SLC5A4: variants seen among roughly 807,000 people sequenced by gnomAD.
The protein encoded by SLC5A4 is probable glucose sensor protein SLC5A4.
A neutral mutation model predicts 70.3 loss-of-function variants in SLC5A4; 55 were observed. The observed-to-expected ratio is 0.78, with a 90% CI of 0.63 to 0.98. The LOEUF is 0.98. SLC5A4 is among the 50% of genes least tolerant of loss of function. The pLI is 0.00. For missense variants in SLC5A4, 735 were observed against 839.2 expected (o/e 0.88, Z 1.53); for synonymous variants, 268 against 305.7 (o/e 0.88, Z 1.29).
At chr22:32,273,787 ACAAACAAG>A in the SLC5A4 span, among the ~76,000 whole-genome samples, 1 of 151,166 alleles carries the variant, frequency 6.6e-6, no homozygotes, top group Non-Finnish European at 1.5e-5. Context: ...AGCAAAACAA[ACAAACAAG>A]CAAACAAAAA....
chr22:32,298,860 A>T, the SLC5A4 span, among the ~76,000 whole-genome samples: 1 of 107,014 alleles, frequency 9.3e-6, no homozygotes, highest in Non-Finnish European at 1.9e-5. Flanking sequence ...GTGGTGACAA[A>T]ATCTCTCAGC....
At chr22:32,320,701 G>A in the SLC5A4 span, among the ~76,000 whole-genome samples, 322 of 151,866 alleles carry the variant, frequency 2.1e-3, 5 homozygotes, top group African/African-American at 7.3e-3. Flanking sequence ...TGTACTTTCC[G>A]CTCAATTTTT....
At chr22:32,290,547 AT>A in the SLC5A4 span, among the ~76,000 whole-genome samples, 1 of 152,126 alleles carries the variant, frequency 6.6e-6, no homozygotes, top group Non-Finnish European at 1.5e-5. Context: ...TTTGGATATG[AT>A]TTTTTCATAA....
intron 5 of SLC5A4, among the ~76,000 whole-genome samples, chr22:32,239,518 T>TTATATATATATATATATATATA (rs1173210993): frequency 2.0e-4 from 5 of 25,222 alleles, no homozygotes; most frequent in Non-Finnish European, 3.4e-4. Flanking sequence ...GGAGTGCATA[T>TTATATATATATATATATATATA]TATATATATA....
At chr22:32,323,033 A>G in the SLC5A4 span, among the ~76,000 whole-genome samples, 5 of 151,910 alleles carry the variant, frequency 3.3e-5, no homozygotes, top group Non-Finnish European at 7.4e-5. Context: ...TCCACCAGGC[A>G]CTCCCTGCAC....
chr22:32,233,824 G>C (rs1164419339), intron 8 of SLC5A4, among the ~76,000 whole-genome samples: 1 of 149,262 alleles, frequency 6.7e-6, no homozygotes, highest in Non-Finnish European at 1.5e-5. Flanking sequence ...TTTAAAAAAG[G>C]AAGAAAACAA....
At chr22:32,286,394 TGCAGGGAG>T in the SLC5A4 span, among the ~76,000 whole-genome samples, 2 of 152,218 alleles carry the variant, frequency 1.3e-5, no homozygotes, top group Non-Finnish European at 2.9e-5. Context: ...TGACATTCAC[TGCAGGGAG>T]GCTCTGTGTT....
intron 4 of SLC5A4, 88 bp from the exon 5 acceptor site, chr22:32,247,603 T>A: frequency 1.2e-6 from 1 of 835,736 alleles, no homozygotes; most frequent in Non-Finnish European, 2.0e-6. Flanking sequence ...CACCTGTGAG[T>A]GAAAGTCCTG....
At chr22:32,242,702 C>G (rs1050333890) in intron 5 of SLC5A4, among the ~76,000 whole-genome samples, 5 of 151,830 alleles carry the variant, frequency 3.3e-5, no homozygotes, top group African/African-American at 1.2e-4. Flanking sequence ...GAGTGAGACT[C>G]CGTCTCAAAA....
upstream of SLC5A4, among the ~76,000 whole-genome samples, chr22:32,257,731 T>C (rs867606750): frequency 2.1e-4 from 32 of 150,942 alleles, no homozygotes; most frequent in African/African-American, 7.6e-4. Context: ...AATGGCACAA[T>C]CTTGGCTCAC....
At chr22:32,237,451 G>T in intron 6 of SLC5A4, 127 bp from the exon 7 acceptor site, 1 of 605,036 alleles carries the variant, frequency 1.7e-6, no homozygotes. Flanking sequence ...AAAGCTCCTG[G>T]GTGAGCCACA....
At chr22:32,328,764 C>T in the SLC5A4 span, among the ~76,000 whole-genome samples, 1 of 152,204 alleles carries the variant, frequency 6.6e-6, no homozygotes, top group Admixed American at 6.5e-5. Flanking sequence ...TGTGGGGTAC[C>T]TTGTTACACA....
At chr22:32,350,679 C>CTA in the SLC5A4 span, among the ~76,000 whole-genome samples, 15 of 152,054 alleles carry the variant, frequency 9.9e-5, no homozygotes, top group East Asian at 1.7e-3. Context: ...TGCAACCGAT[C>CTA]TACTCTGGAC....
chr22:32,351,346 TA>T, the SLC5A4 span, among the ~76,000 whole-genome samples: 1 of 152,082 alleles, frequency 6.6e-6, no homozygotes, highest in African/African-American at 2.4e-5. Flanking sequence ...CTCAAGAATC[TA>T]AATAATTATC....
At chr22:32,332,156 T>A in the SLC5A4 span, among the ~76,000 whole-genome samples, 1 of 151,960 alleles carries the variant, frequency 6.6e-6, no homozygotes, top group African/African-American at 2.4e-5. Context: ...GCCTCTCCGG[T>A]GGACTCCCAG....
At chr22:32,339,436 A>G in the SLC5A4 span, among the ~76,000 whole-genome samples, 8,530 of 152,280 alleles carry the variant, frequency 0.056, 291 homozygotes, top group South Asian at 0.12. Context: ...CGTAGACAGG[A>G]TCTGAACTCA....
chr22:32,254,282 G>A, intron 1 of SLC5A4, 69 bp from the exon 2 acceptor site: 7 of 1,182,086 alleles, frequency 5.9e-6, no homozygotes, highest in Non-Finnish European at 8.9e-6. Flanking sequence ...AGAGGCTCTG[G>A]CCAGGGTGCT....
At chr22:32,336,513 G>C in the SLC5A4 span, among the ~76,000 whole-genome samples, 1 of 152,204 alleles carries the variant, frequency 6.6e-6, no homozygotes, top group Non-Finnish European at 1.5e-5. Context: ...CCCAGGAGGG[G>C]GCTTGTAAGA....
the SLC5A4 span, chr22:32,354,786 ACCACG>A: frequency 0.086 from 13,106 of 152,140 alleles, 976 homozygotes; most frequent in East Asian, 0.46. Flanking sequence ...AACCCACCCC[ACCACG>A]CCACGCCACA....
Sources: gnomAD v4.1 joint callset for allele counts (sites outside exome capture counted in the v4.1 genomes callset) on GRCh38, gnomAD v4.1.1 for gene constraint, MANE v1.5 for transcripts, NCBI Gene and HGNC (gene_info 2026-07-23, HGNC 2026-07-21) for gene names.